The following GALM variants were observed in gnomAD, a reference collection of about 807,000 sequenced individuals.
GALM encodes galactose mutarotase.
GALM carries 43 observed loss-of-function variants against 37.4 expected under a neutral mutation model. The observed-to-expected ratio is 1.15, with a 90% confidence interval of 0.90 to 1.48. The LOEUF is 1.48. Among genes scored for constraint, GALM ranks in the 40% most tolerant of loss-of-function variants. GALM has a pLI of 0.00. For synonymous variants in GALM, 199 were observed against 170.6 expected, an observed-to-expected ratio of 1.17 and a Z score of -1.30; for missense variants, 456 against 419.1, an observed-to-expected ratio of 1.09 and a Z score of -0.77.
At chr2:38,671,611 G>C (rs923629525) in intron 1 of GALM, among the ~76,000 whole-genome samples, 1 of 152,194 alleles carries the variant, frequency 6.6e-6, no homozygotes, top group East Asian at 1.9e-4. Context: ...AAGCCAAAGC[G>C]TATCAGTAAC....
rs1048484536 is a variant in GALM at position 38,688,799 on chromosome 2, T to G, written c.553-1014T>G. 1.6e-3 allele frequency among the ~76,000 whole-genome samples: 243 copies of G among 152,300 alleles called. 1 individual carries two copies. Among genetic ancestry groups the G allele is most frequent in the African/African-American group, 5.4e-3 (225 of 41,558 alleles). On this transcript the variant is annotated intron_variant, in intron 3 of 6. Transcript: ENST00000272252. ...AAGGACCCTGGAAAAGGTAGAGGCATCATTAGCCCAAATTTATTTTATTTT... is the reference window on the plus strand; with the variant it reads ...AAGGACCCTGGAAAAGGTAGAGGCAGCATTAGCCCAAATTTATTTTATTTT...
chr2:38,673,703 G>C (rs1472268398), intron 1 of GALM, among the ~76,000 whole-genome samples: 1 of 151,880 alleles, frequency 6.6e-6, no homozygotes, highest in Non-Finnish European at 1.5e-5. Flanking sequence ...CCAGCTACTC[G>C]GGAGGCTGAG....
At chr2:38,708,748 AAG>A (rs1227126646) in intron 4 of GALM, among the ~76,000 whole-genome samples, 4 of 151,814 alleles carry the variant, frequency 2.6e-5, no homozygotes, top group Non-Finnish European at 5.9e-5. Flanking sequence ...AAAAAAAAAA[AAG>A]AAAGTGCTGT....
chr2:38,697,534 G>A (rs1665836183), intron 4 of GALM, among the ~76,000 whole-genome samples: 2 of 152,072 alleles, frequency 1.3e-5, no homozygotes, highest in Admixed American at 6.6e-5. Context: ...TAAACTTTAG[G>A]GGTGTTTTTC....
At chr2:38,673,957 C>G (rs758308276) in intron 1 of GALM, among the ~76,000 whole-genome samples, 3 of 146,628 alleles carry the variant, frequency 2.0e-5, no homozygotes, top group African/African-American at 7.7e-5. Context: ...GTATGATTCT[C>G]TTTATATGGA....
intron 4 of GALM, among the ~76,000 whole-genome samples, chr2:38,692,873 C>T (rs547463773): frequency 5.3e-5 from 8 of 152,250 alleles, no homozygotes; most frequent in Non-Finnish European, 1.2e-4. Flanking sequence ...GATGAACAAG[C>T]GTGGGCGGTG....
intron 4 of GALM, among the ~76,000 whole-genome samples, chr2:38,708,566 C>T (rs1010661252): frequency 2.0e-5 from 3 of 151,868 alleles, no homozygotes; most frequent in African/African-American, 7.3e-5. Flanking sequence ...ATGGTGAAAC[C>T]CCACCTCTAC....
intron 4 of GALM, among the ~76,000 whole-genome samples, chr2:38,715,150 G>C (rs1422103812): frequency 6.6e-6 from 1 of 152,126 alleles, no homozygotes; most frequent in African/African-American, 2.4e-5. Flanking sequence ...TTGTTTTAAA[G>C]TCTATGCTGT....
intron 4 of GALM, among the ~76,000 whole-genome samples, chr2:38,712,942 C>G (rs537761936): frequency 1.3e-5 from 2 of 152,310 alleles, no homozygotes; most frequent in African/African-American, 4.8e-5. Flanking sequence ...GATTTCTCCC[C>G]TCTCTCCTTT....
At chr2:38,726,188 C>G (rs1040057500) in intron 4 of GALM, among the ~76,000 whole-genome samples, 1 of 151,552 alleles carries the variant, frequency 6.6e-6, no homozygotes, top group African/African-American at 2.4e-5. Flanking sequence ...GTCTCTAGCA[C>G]CATCTACTGG....
chr2:38,727,680 T>C (rs569004862), intron 4 of GALM, among the ~76,000 whole-genome samples: 278 of 146,238 alleles, frequency 1.9e-3, no homozygotes, highest in African/African-American at 6.5e-3. Context: ...GAGCCTAGAC[T>C]GGCCATTGCA....
At chr2:38,719,623 A>T (rs1666335432) in intron 4 of GALM, among the ~76,000 whole-genome samples, 2 of 151,300 alleles carry the variant, frequency 1.3e-5, no homozygotes, top group African/African-American at 4.9e-5. Context: ...GAAAATACAA[A>T]AATTAGCCAG....
intron 4 of GALM, among the ~76,000 whole-genome samples, chr2:38,690,246 T>TCC (rs1665641791): frequency 6.6e-6 from 1 of 152,070 alleles, no homozygotes; most frequent in Non-Finnish European, 1.5e-5. Context: ...CCAAGGCGGT[T>TCC]GGATCACTTG....
intron 3 of GALM, among the ~76,000 whole-genome samples, chr2:38,683,672 T>C (rs1665454947): frequency 6.6e-6 from 1 of 152,034 alleles, no homozygotes. Flanking sequence ...GTTCAAGCAA[T>C]TCTCCTGCCT....
intron 3 of GALM, among the ~76,000 whole-genome samples, chr2:38,684,961 A>G (rs1665487133): frequency 6.6e-6 from 1 of 152,176 alleles, no homozygotes; most frequent in African/African-American, 2.4e-5. Flanking sequence ...CCAGTTTTCC[A>G]TCTGCTTCCT....
intron 1 of GALM, among the ~76,000 whole-genome samples, chr2:38,673,940 C>T (rs2148425236): frequency 6.6e-6 from 1 of 151,532 alleles, no homozygotes; most frequent in Non-Finnish European, 1.5e-5. Flanking sequence ...GTGTGATACT[C>T]TATGTAGTAT....
At chr2:38,732,216 C>G (rs1666623318) in intron 6 of GALM, among the ~76,000 whole-genome samples, 1 of 152,122 alleles carries the variant, frequency 6.6e-6, no homozygotes, top group South Asian at 2.1e-4. Flanking sequence ...ACCACCATGC[C>G]TGCTTAATTT....
At chr2:38,721,384 C>G (rs1666373264) in intron 4 of GALM, among the ~76,000 whole-genome samples, 1 of 152,164 alleles carries the variant, frequency 6.6e-6, no homozygotes, top group South Asian at 2.1e-4. Flanking sequence ...GAGTAACACC[C>G]TCATGAACTC....
intron 1 of GALM, among the ~76,000 whole-genome samples, chr2:38,675,693 C>T (rs771955427): frequency 2.0e-5 from 3 of 151,428 alleles, no homozygotes; most frequent in Admixed American, 1.3e-4. Flanking sequence ...CTCAGCCTCC[C>T]GAGTAGCTGG....
Sources: gnomAD v4.1 joint callset for allele counts (sites outside exome capture counted in the v4.1 genomes callset) on GRCh38, gnomAD v4.1.1 for gene constraint, MANE v1.5 for transcripts, NCBI Gene and HGNC (gene_info 2026-07-23, HGNC 2026-07-21) for gene names.